Variants in AGBL4 observed in about 807,000 individuals in gnomAD.
AGBL4 encodes the protein AGBL carboxypeptidase 4.
A neutral mutation model predicts 66.4 loss-of-function variants in AGBL4; 58 were observed. That is an observed-to-expected ratio of 0.87 (90% CI 0.71 to 1.09). AGBL4 has a LOEUF of 1.09. AGBL4 is among the 50% of genes least tolerant of loss of function. The pLI, the probability that AGBL4 is intolerant of heterozygous loss-of-function variation, is 0.00. For missense variants in AGBL4, 579 were observed against 631.0 expected, an observed-to-expected ratio of 0.92 and a Z score of 0.88; for synonymous variants, 234 against 222.9, an observed-to-expected ratio of 1.05 and a Z score of -0.44.
Position 49,771,620 on chromosome 1 carries a change from C to G in AGBL4, c.158-74183G>C, listed in dbSNP as rs1395426325. On this transcript the variant is annotated intron_variant, in intron 2 of 13. Coordinates refer to ENST00000371839, the MANE Select transcript of AGBL4 (RefSeq NM_032785.4). Reference sequence around the variant, plus strand: ...AAAGTACCTTACAATTATTGTATTGCAGACTATCTTTTCCTTTAGATCTAA... The same window carrying G: ...AAAGTACCTTACAATTATTGTATTGGAGACTATCTTTTCCTTTAGATCTAA... Among the ~76,000 whole-genome samples the G allele has an allele frequency of 2.6e-5, 4 of 152,070 alleles. No individual in the cohort carries two copies. The East Asian group carries it at 7.7e-4, about 29-fold the overall frequency.
At chr1:48,940,497 A>G (rs1220938830) in intron 5 of AGBL4, among the ~76,000 whole-genome samples, 1 of 152,222 alleles carries the variant, frequency 6.6e-6, no homozygotes, top group African/African-American at 2.4e-5. Flanking sequence ...AGTTGAATTA[A>G]AAGAGTGGAA....
In AGBL4 at chr1:49,852,450, G is replaced by T. The variant is rs552672107; in HGVS notation, c.35-932C>A. Among the ~76,000 whole-genome samples the T allele has an allele frequency of 1.1e-4, 16 of 152,308 alleles. No individual in the cohort carries two copies. In the South Asian group the frequency reaches 2.1e-3, roughly 20 times the overall value. On this transcript the variant is annotated intron_variant, in intron 1 of 13. Transcript: ENST00000371839. ...TCCATTTGAAGACTCTGCTGTACAG[G>T]TCTCTACCAGGTATTCAGAAGGAAG...
chr1:49,094,991 G>T (rs1645068778), intron 4 of AGBL4, among the ~76,000 whole-genome samples: 1 of 152,070 alleles, frequency 6.6e-6, no homozygotes, highest in African/African-American at 2.4e-5. Context: ...CAAAGTCTCA[G>T]GATACAAAAT....
At chr1:49,655,801 G>A (rs574015411) in intron 3 of AGBL4, among the ~76,000 whole-genome samples, 1 of 152,130 alleles carries the variant, frequency 6.6e-6, no homozygotes, top group Non-Finnish European at 1.5e-5. Context: ...TTGATAGACT[G>A]CTAGCAAGAC....
At chr1:49,660,346 A>G (rs1167628964) in intron 3 of AGBL4, among the ~76,000 whole-genome samples, 1 of 152,228 alleles carries the variant, frequency 6.6e-6, no homozygotes, top group African/African-American at 2.4e-5. Flanking sequence ...ACAAACATGA[A>G]AAAAAGCTTA....
chr1:49,858,309 G>A (rs1040703796), intron 1 of AGBL4, among the ~76,000 whole-genome samples: 3 of 152,058 alleles, frequency 2.0e-5, no homozygotes, highest in African/African-American at 4.8e-5. Context: ...ACATAGACAC[G>A]ATGGAGCACA....
chr1:48,833,270 CAT>C (rs555287927), intron 6 of AGBL4, among the ~76,000 whole-genome samples: 31 of 152,266 alleles, frequency 2.0e-4, no homozygotes, highest in Non-Finnish European at 3.4e-4. Flanking sequence ...AAATGAGAAA[CAT>C]GTTATTAGAT....
At chr1:49,110,381 GC>G (rs1259312893) in intron 4 of AGBL4, among the ~76,000 whole-genome samples, 1 of 152,106 alleles carries the variant, frequency 6.6e-6, no homozygotes, top group Non-Finnish European at 1.5e-5. Flanking sequence ...ATTATACAGG[GC>G]TATCATGGTA....
Position 49,494,746 on chromosome 1 carries a change from T to A in AGBL4, c.282+202567A>T, listed in dbSNP as rs1046161022. ...GCCGCCATAAACATACGTGTGCATG[T>A]GTCTTTATAGCAGCATGATTTATAG... On this transcript the variant is annotated intron_variant, in intron 3 of 13. Transcript: ENST00000371839. 3.6e-4 allele frequency among the ~76,000 whole-genome samples: 54 copies of A among 152,066 alleles called. 2 individuals are homozygous for A. The highest frequency in any genetic ancestry group is 2.2e-3 in the Admixed American group (33 of 15,268).
At chr1:49,760,540 T>C (rs1652227139) in intron 2 of AGBL4, among the ~76,000 whole-genome samples, 1 of 152,284 alleles carries the variant, frequency 6.6e-6, no homozygotes, top group Admixed American at 6.5e-5. Flanking sequence ...GGCAAGCCTA[T>C]GGAGAAATAG....
chr1:49,680,646 AT>A (rs111342049), intron 3 of AGBL4, among the ~76,000 whole-genome samples: 1 of 151,712 alleles, frequency 6.6e-6, no homozygotes, highest in Non-Finnish European at 1.5e-5. Flanking sequence ...TCTTTCAAAA[AT>A]TTTTTTTAAT....
chr1:49,935,308 C>T (rs1243376550), intron 1 of AGBL4, among the ~76,000 whole-genome samples: 2 of 152,236 alleles, frequency 1.3e-5, no homozygotes, highest in Non-Finnish European at 2.9e-5. Flanking sequence ...CCCAGGCTTG[C>T]TTAGATAAAC....
intron 6 of AGBL4, chr1:48,761,358 A>G: frequency 6.4e-7 from 1 of 1,551,972 alleles, no homozygotes; most frequent in East Asian, 2.4e-5. Context: ...TAAGCTGTAA[A>G]TCTTCTTCCC....
At chr1:48,923,918 G>C (rs1167827699) in intron 5 of AGBL4, among the ~76,000 whole-genome samples, 2 of 152,064 alleles carry the variant, frequency 1.3e-5, no homozygotes, top group East Asian at 1.9e-4. Context: ...GAGTACATAG[G>C]TACTGAGAGA....
intron 3 of AGBL4, among the ~76,000 whole-genome samples, chr1:49,573,370 G>T (rs1354798575): frequency 6.6e-6 from 1 of 152,050 alleles, no homozygotes; most frequent in Non-Finnish European, 1.5e-5. Context: ...ATAGTATGGA[G>T]AACACTGATA....
In AGBL4 at chr1:49,451,773, G is replaced by A. The variant is rs931201041; in HGVS notation, c.283-205909C>T. On this transcript the variant is annotated intron_variant, in intron 3 of 13. Transcript: ENST00000371839. ...GATTTGCTACTATACCTTCAGTGCC[G>A]ATTATAAGAATTGGTACAGAACAGG... Among the ~76,000 whole-genome samples the A allele has an allele frequency of 6.6e-5, 10 of 151,988 alleles. 1 individual carries two copies. The South Asian group carries it at 1.5e-3, about 22-fold the overall frequency.
chr1:49,725,682 G>GTTTTTTTT (rs58294452), intron 2 of AGBL4, among the ~76,000 whole-genome samples: 1 of 119,084 alleles, frequency 8.4e-6, no homozygotes, highest in African/African-American at 3.4e-5. Flanking sequence ...TCCTTTGTGG[G>GTTTTTTTT]TTTTTTTTTT....
At chr1:49,928,341 C>T (rs918057221) in intron 1 of AGBL4, among the ~76,000 whole-genome samples, 1 of 152,094 alleles carries the variant, frequency 6.6e-6, no homozygotes, top group Admixed American at 6.5e-5. Flanking sequence ...ACCTCTGCCA[C>T]CCGGGTTCAA....
chr1:48,797,355 T>C (rs1238570931), intron 6 of AGBL4, among the ~76,000 whole-genome samples: 2 of 152,172 alleles, frequency 1.3e-5, no homozygotes, highest in African/African-American at 2.4e-5. Context: ...ATATGTAGTG[T>C]TTTATCCCTC....
Sources: allele counts gnomAD v4.1 joint callset (sites outside exome capture counted in the v4.1 genomes callset), GRCh38; gene constraint gnomAD v4.1.1; transcripts MANE v1.5; gene names NCBI Gene and HGNC (gene_info 2026-07-23, HGNC 2026-07-21).